The following ARRB1 variants were observed in gnomAD, a reference collection of about 807,000 sequenced individuals.
ARRB1 encodes arrestin beta 1, also known as beta-arrestin-1.
Under a neutral mutation model 56.8 loss-of-function variants are expected in ARRB1, and 21 were observed. The ratio of observed to expected loss-of-function variants is 0.37; its 90% CI spans 0.26 to 0.53. ARRB1 has a LOEUF of 0.53. ARRB1 is among the 20% of genes least tolerant of loss of function. The pLI is 0.88. For synonymous variants in ARRB1, 210 were observed against 218.6 expected, an observed-to-expected ratio of 0.96 and a Z score of 0.35; for missense variants, 424 against 553.7, an observed-to-expected ratio of 0.77 and a Z score of 2.35.
At chr11:75,332,155 T>C (rs1591983409) in intron 1 of ARRB1, among the ~76,000 whole-genome samples, 1 of 151,986 alleles carries the variant, frequency 6.6e-6, no homozygotes. Flanking sequence ...GATTCCTTTT[T>C]CAGACTCAGT....
chr11:75,336,871 C>T (rs1264219370), intron 1 of ARRB1, among the ~76,000 whole-genome samples: 1 of 152,180 alleles, frequency 6.6e-6, no homozygotes, highest in Non-Finnish European at 1.5e-5. Context: ...AAAACTAGGG[C>T]TCAGAAAGGT....
intron 1 of ARRB1, among the ~76,000 whole-genome samples, chr11:75,311,303 T>C (rs1947151571): frequency 6.6e-6 from 1 of 152,124 alleles, no homozygotes; most frequent in South Asian, 2.1e-4. Flanking sequence ...GCCGTTGCAC[T>C]CCAGCCTGGG....
At chr11:75,268,382 G>A (rs1430286056) in intron 14 of ARRB1, among the ~76,000 whole-genome samples, 1 of 151,990 alleles carries the variant, frequency 6.6e-6, no homozygotes, top group Non-Finnish European at 1.5e-5. Flanking sequence ...GCAGCCGCCT[G>A]TAATCTCAGC....
At chr11:75,269,424 G>A (rs1231258351) in intron 13 of ARRB1, among the ~76,000 whole-genome samples, 2 of 152,144 alleles carry the variant, frequency 1.3e-5, no homozygotes, top group South Asian at 2.1e-4. Flanking sequence ...GGGTGCTCTT[G>A]TAAAAGTGCT....
chr11:75,274,292 T>G, intron 10 of ARRB1, 81 bp from the exon 11 acceptor site: 9 of 1,559,246 alleles, frequency 5.8e-6, no homozygotes, highest in South Asian at 1.2e-5. Context: ...GCAGAATATC[T>G]AGTCTGAGCC....
chr11:75,342,559 C>G (rs1361343665), intron 1 of ARRB1, among the ~76,000 whole-genome samples: 5 of 152,156 alleles, frequency 3.3e-5, no homozygotes, highest in Non-Finnish European at 5.9e-5. Flanking sequence ...AAACCATGGT[C>G]CCCTCCTCAG....
intron 5 of ARRB1, 65 bp downstream of exon 5, chr11:75,283,222 C>G: frequency 6.6e-7 from 1 of 1,505,182 alleles, no homozygotes; most frequent in South Asian, 1.3e-5. Context: ...CTCTTATGCC[C>G]ACCCCAGAGG....
At chr11:75,300,723 T>C (rs928708023) in intron 1 of ARRB1, among the ~76,000 whole-genome samples, 1 of 151,306 alleles carries the variant, frequency 6.6e-6, no homozygotes, top group Admixed American at 6.6e-5. Flanking sequence ...TCCCAGCACT[T>C]TGGGAGGCCG....
chr11:75,324,467 C>G (rs117930709), intron 1 of ARRB1, among the ~76,000 whole-genome samples: 4,284 of 152,252 alleles, frequency 0.028, 99 homozygotes, highest in Non-Finnish European at 0.047. Flanking sequence ...TCCATGTCCT[C>G]AGGGTTCAGA....
intron 1 of ARRB1, among the ~76,000 whole-genome samples, chr11:75,290,627 T>G (rs1946588051): frequency 6.6e-6 from 1 of 152,222 alleles, no homozygotes; most frequent in Admixed American, 6.5e-5. Context: ...TCACTCAGGC[T>G]GGAGTGCAGT....
At chr11:75,301,929 A>G (rs1946914586) in intron 1 of ARRB1, among the ~76,000 whole-genome samples, 1 of 152,206 alleles carries the variant, frequency 6.6e-6, no homozygotes, top group Non-Finnish European at 1.5e-5. Context: ...ACCCCATTTC[A>G]GAGATTTCCG....
At position 75,272,877 on chromosome 11, in the gene ARRB1, C is replaced by T; in HGVS notation, c.998+18G>A. ...CCCCTCTGCACTCCGGGGTCTTGGGCTTGGCTGGAGCACTCACCCGCCCCG... is the reference window on the plus strand; with the variant it reads ...CCCCTCTGCACTCCGGGGTCTTGGGTTTGGCTGGAGCACTCACCCGCCCCG... On this transcript the variant is annotated intron_variant, in intron 12 of 15. Coordinates refer to ENST00000420843, the MANE Select transcript of ARRB1 (RefSeq NM_004041.5). The T allele has an allele frequency of 1.2e-6, 2 of 1,613,686 alleles. No homozygotes were observed. Among genetic ancestry groups the T allele is most frequent in the Non-Finnish European group, 1.7e-6 (2 of 1,179,766 alleles).
intron 7 of ARRB1, among the ~76,000 whole-genome samples, chr11:75,280,222 C>T (rs777793442): frequency 1.3e-5 from 2 of 152,160 alleles, no homozygotes; most frequent in Non-Finnish European, 2.9e-5. Context: ...CTTCCCTGGT[C>T]TCAGGTCTTA....
At chr11:75,339,976 T>TC (rs1256198228) in intron 1 of ARRB1, among the ~76,000 whole-genome samples, 1 of 152,106 alleles carries the variant, frequency 6.6e-6, no homozygotes, top group African/African-American at 2.4e-5. Flanking sequence ...GCCCTCAACT[T>TC]CGGAGAAAGG....
At chr11:75,335,203 C>A in intron 1 of ARRB1, 1 of 210,572 alleles carries the variant, frequency 4.7e-6, no homozygotes, top group Non-Finnish European at 1.1e-5. Flanking sequence ...GAAGACATTC[C>A]TTCTTCTTGA....
intron 10 of ARRB1, chr11:75,275,043 TG>T (rs1194496845): frequency 6.6e-6 from 1 of 152,002 alleles, no homozygotes; most frequent in Non-Finnish European, 1.5e-5. Flanking sequence ...CGAGGCTGGC[TG>T]TAGTGAGCCA....
chr11:75,291,300 C>T (rs1335756587), intron 1 of ARRB1, among the ~76,000 whole-genome samples: 1 of 152,304 alleles, frequency 6.6e-6, no homozygotes, highest in East Asian at 1.9e-4. Context: ...CGCCACTGCA[C>T]TCCAGCCTGG....
intron 1 of ARRB1, among the ~76,000 whole-genome samples, chr11:75,324,949 C>G (rs1336784269): frequency 1.4e-5 from 2 of 145,946 alleles, no homozygotes; most frequent in Non-Finnish European, 3.0e-5. Context: ...TGGTGGCTGG[C>G]GTGAGGTGAG....
chr11:75,341,163 AGTCTCACTCT>A (rs1416596504), intron 1 of ARRB1, among the ~76,000 whole-genome samples: 2 of 152,080 alleles, frequency 1.3e-5, no homozygotes, highest in African/African-American at 4.8e-5. Flanking sequence ...GTTGAGACAG[AGTCTCACTCT>A]GTCACTCAGG....
Sources: allele counts gnomAD v4.1 joint callset (sites outside exome capture counted in the v4.1 genomes callset), GRCh38; gene constraint gnomAD v4.1.1; transcripts MANE v1.5; gene names NCBI Gene and HGNC (gene_info 2026-07-23, HGNC 2026-07-21).